Variants in RMST observed in about 807,000 individuals in gnomAD.
RMST encodes rhabdomyosarcoma 2 associated transcript.
At chr12:97,553,961 T>C (rs1801773856) in intron 11 of RMST, among the ~76,000 whole-genome samples, 1 of 148,814 alleles carries the variant, frequency 6.7e-6, no homozygotes, top group Non-Finnish European at 1.5e-5. Flanking sequence ...TTTTTTTTTT[T>C]TTTTTTTTTC....
intron 11 of RMST, among the ~76,000 whole-genome samples, chr12:97,554,718 C>A (rs990013696): frequency 2.6e-5 from 4 of 152,046 alleles, no homozygotes; most frequent in African/African-American, 9.7e-5. Flanking sequence ...TGCTCTTTCC[C>A]TTTTTTGGGG....
At chr12:97,463,956 C>T (rs549882477) in intron 4 of RMST, among the ~76,000 whole-genome samples, 21 of 151,876 alleles carry the variant, frequency 1.4e-4, no homozygotes, top group African/African-American at 4.8e-4. Flanking sequence ...ATTACTAAAA[C>T]TTAATAGACA....
At chr12:97,464,067 G>A (rs562841034) in intron 4 of RMST, among the ~76,000 whole-genome samples, 2 of 152,250 alleles carry the variant, frequency 1.3e-5, no homozygotes, top group Admixed American at 1.3e-4. Flanking sequence ...TTCATTTCAA[G>A]TAATACAAAA....
chr12:97,484,442 G>A (rs1404921561), intron 5 of RMST, among the ~76,000 whole-genome samples: 1 of 152,160 alleles, frequency 6.6e-6, no homozygotes, highest in Non-Finnish European at 1.5e-5. Flanking sequence ...CATGCTTTTA[G>A]TCATATTAAC....
chr12:97,477,286 G>T (rs570794105), intron 5 of RMST, among the ~76,000 whole-genome samples: 1 of 152,272 alleles, frequency 6.6e-6, no homozygotes, highest in East Asian at 1.9e-4. Flanking sequence ...ATAAGCAGTG[G>T]AAGCAAACCT....
chr12:97,477,707 G>T (rs1304580247), intron 5 of RMST, among the ~76,000 whole-genome samples: 1 of 152,160 alleles, frequency 6.6e-6, no homozygotes, highest in African/African-American at 2.4e-5. Context: ...TTAATGCATG[G>T]TTTTTCCTCT....
intron 5 of RMST, among the ~76,000 whole-genome samples, chr12:97,471,244 CT>C (rs1414751728): frequency 6.6e-6 from 1 of 152,014 alleles, no homozygotes; most frequent in African/African-American, 2.4e-5. Flanking sequence ...GGAGGTATTA[CT>C]TTTGCATAAT....
intron 5 of RMST, chr12:97,483,424 T>C (rs1472520226): frequency 6.6e-6 from 1 of 152,338 alleles, no homozygotes; most frequent in Admixed American, 6.5e-5. Flanking sequence ...TATTTTCTAT[T>C]CTTCAGACTT....
chr12:97,548,736 T>C (rs1243774346), intron 11 of RMST, among the ~76,000 whole-genome samples: 2 of 152,118 alleles, frequency 1.3e-5, no homozygotes, highest in Non-Finnish European at 2.9e-5. Context: ...TTATTAGCTA[T>C]AACAGGTTTT....
chr12:97,513,265 G>A (rs1044156621), intron 10 of RMST, among the ~76,000 whole-genome samples: 7 of 152,240 alleles, frequency 4.6e-5, no homozygotes, highest in Admixed American at 2.6e-4. Context: ...GAGAGCAAGC[G>A]AGGGCTGTGA....
At chr12:97,542,705 GA>G (rs1026261124) in intron 11 of RMST, among the ~76,000 whole-genome samples, 1 of 151,936 alleles carries the variant, frequency 6.6e-6, no homozygotes, top group African/African-American at 2.4e-5. Flanking sequence ...GGCCCTAATT[GA>G]CATGGGGTTG....
chr12:97,542,715 T>C (rs747198600), intron 11 of RMST, among the ~76,000 whole-genome samples: 1 of 151,986 alleles, frequency 6.6e-6, no homozygotes, highest in Non-Finnish European at 1.5e-5. Context: ...GACATGGGGT[T>C]GTTGCCTTTT....
intron 11 of RMST, among the ~76,000 whole-genome samples, chr12:97,547,413 G>T (rs1368506247): frequency 6.6e-6 from 1 of 151,896 alleles, no homozygotes; most frequent in Non-Finnish European, 1.5e-5. Context: ...ATACCCAGTA[G>T]TGGGATTGCT....
chr12:97,496,055 AG>A (rs1877372613), exon 10 of RMST: 1 of 152,296 alleles, frequency 6.6e-6, no homozygotes, highest in African/African-American at 2.4e-5. Flanking sequence ...GCAGGATGGC[AG>A]GTAAAAGCAT....
chr12:97,468,886 G>A (rs918256543), intron 5 of RMST, among the ~76,000 whole-genome samples: 4 of 151,838 alleles, frequency 2.6e-5, no homozygotes, highest in Non-Finnish European at 5.9e-5. Flanking sequence ...AGTGCCTACC[G>A]TGTGCCAGAC....
intron 10 of RMST, chr12:97,496,122 T>C (rs1186830270): frequency 6.6e-6 from 1 of 152,200 alleles, no homozygotes. Context: ...ATTTCTCTTG[T>C]TTGCCAGTTG....
At chr12:97,553,118 G>A (rs770044313) in intron 11 of RMST, among the ~76,000 whole-genome samples, 1 of 152,250 alleles carries the variant, frequency 6.6e-6, no homozygotes, top group Admixed American at 6.5e-5. Flanking sequence ...AAACATGACT[G>A]TATTTGGCAC....
intron 11 of RMST, among the ~76,000 whole-genome samples, chr12:97,555,165 G>C (rs575564773): frequency 6.6e-6 from 1 of 152,128 alleles, no homozygotes; most frequent in Non-Finnish European, 1.5e-5. Context: ...TTTGCTAAAA[G>C]GTTCTTATTG....
rs1203779169 is a variant in RMST, at chr12:97,497,237, G to A, written n.1340+1181G>A. Among the ~76,000 whole-genome samples, 3 of 152,110 alleles carry A rather than the reference G, an allele frequency of 2.0e-5. No homozygotes were observed. In the East Asian group the frequency reaches 5.8e-4, roughly 29 times the overall value. ...GCAAGAAAAATATGAATAATTAAAGGTGAATGCATGTGCATGCTATGACTG... is the reference window on the plus strand; with the variant it reads ...GCAAGAAAAATATGAATAATTAAAGATGAATGCATGTGCATGCTATGACTG... On this transcript the variant is annotated intron_variant and non_coding_transcript_variant, in intron 10 of 13. Coordinates refer to ENST00000640149, the Ensembl canonical transcript of RMST.
Sources: allele counts gnomAD v4.1 joint callset (sites outside exome capture counted in the v4.1 genomes callset), GRCh38; gene constraint gnomAD v4.1.1; transcripts MANE v1.5; gene names NCBI Gene and HGNC (gene_info 2026-07-23, HGNC 2026-07-21).